Variants in GVQW3 observed in about 807,000 individuals in gnomAD.
GVQW3 encodes GVQW motif containing 3, also known as protein GVQW3.
GVQW3 carries 7 observed loss-of-function variants against 12.5 expected under a neutral mutation model. The observed-to-expected ratio is 0.56, with a 90% CI of 0.32 to 1.05. The LOEUF is 1.05. GVQW3 is among the 50% of genes least tolerant of loss of function. The pLI, the probability that GVQW3 is intolerant of heterozygous loss-of-function variation, is 0.04. For synonymous variants in GVQW3, 71 were observed against 67.2 expected (o/e 1.06, Z -0.28); for missense variants, 188 against 190.8 (o/e 0.99, Z 0.09).
chr11:76,395,869 G>A (rs1946933630), intron 1 of GVQW3, among the ~76,000 whole-genome samples: 1 of 152,064 alleles, frequency 6.6e-6, no homozygotes, highest in African/African-American at 2.4e-5. Flanking sequence ...TTTAAGCTTT[G>A]TTAGATGAGA....
intron 1 of GVQW3, among the ~76,000 whole-genome samples, chr11:76,393,639 C>T (rs1946913510): frequency 6.6e-6 from 1 of 152,090 alleles, no homozygotes; most frequent in African/African-American, 2.4e-5. Flanking sequence ...TGCTGTTCTC[C>T]CCCACCACCC....
chr11:76,397,138 G>A (rs1946946904), intron 1 of GVQW3, among the ~76,000 whole-genome samples: 1 of 151,664 alleles, frequency 6.6e-6, no homozygotes, highest in South Asian at 2.1e-4. Context: ...CGAGTAGCTG[G>A]GACTACAGGT....
chr11:76,388,818 A>C (rs1946862705), intron 1 of GVQW3, among the ~76,000 whole-genome samples: 1 of 152,092 alleles, frequency 6.6e-6, no homozygotes, highest in South Asian at 2.1e-4. Flanking sequence ...CAGCTGCATT[A>C]ATAATTAGAG....
At chr11:76,383,046 C>G (rs1946794409) in intron 1 of GVQW3, 1 of 152,438 alleles carries the variant, frequency 6.6e-6, no homozygotes, top group Admixed American at 6.5e-5. Context: ...GCCTACACCT[C>G]ACAGAAGAGC....
chr11:76,392,189 C>A (rs11236739), intron 1 of GVQW3: 27,012 of 152,206 alleles, frequency 0.18, 3,803 homozygotes, highest in African/African-American at 0.39. Context: ...TTGGAACAAA[C>A]AGTTGTAATC....
chr11:76,387,875 A>T (rs1352946114), intron 1 of GVQW3, among the ~76,000 whole-genome samples: 1 of 152,174 alleles, frequency 6.6e-6, no homozygotes, highest in African/African-American at 2.4e-5. Context: ...GTGAGCCATG[A>T]TCGTGCTACT....
At chr11:76,386,105 GC>G (rs1946830988) in intron 1 of GVQW3, among the ~76,000 whole-genome samples, 1 of 152,010 alleles carries the variant, frequency 6.6e-6, no homozygotes, top group Non-Finnish European at 1.5e-5. Flanking sequence ...CTTTGTCCCC[GC>G]CCCCACGCTC....
chr11:76,382,260 A>G lies in GVQW3; in HGVS notation c.432A>G (p.Glu144=). The G allele has an allele frequency of 6.5e-7, 1 of 1,534,558 alleles. No individual in the cohort carries two copies. The highest frequency in any genetic ancestry group is 8.7e-7 in the Non-Finnish European group (1 of 1,145,680). ...ACTTTCGGTCCGATCTTTCAAAGGAAACTAGGAAAAATAGCTCATGTTTGA... is the reference window on the plus strand; with the variant it reads ...ACTTTCGGTCCGATCTTTCAAAGGAGACTAGGAAAAATAGCTCATGTTTGA... ...KLDFRSDLSK[E]TRKNSSCLRK... Residue 144 remains glutamate (E), a synonymous_variant, in exon 1 of 2, where the codon GAA becomes GAG. Coordinates refer to ENST00000529331, the MANE Select transcript of GVQW3 (RefSeq NM_001347885.2).
chr11:76,387,691 C>T (rs1454971989), intron 1 of GVQW3, among the ~76,000 whole-genome samples: 5 of 152,092 alleles, frequency 3.3e-5, no homozygotes, highest in Admixed American at 6.6e-5. Context: ...GAGGCTGAGG[C>T]GGGCAGATTG....
At chr11:76,398,842 C>A (rs1946962598) in intron 1 of GVQW3, among the ~76,000 whole-genome samples, 1 of 152,178 alleles carries the variant, frequency 6.6e-6, no homozygotes, top group South Asian at 2.1e-4. Context: ...AACTAACTGT[C>A]TTTGTTCATC....
At chr11:76,384,681 A>G (rs1318325819) in intron 1 of GVQW3, among the ~76,000 whole-genome samples, 1 of 152,210 alleles carries the variant, frequency 6.6e-6, no homozygotes, top group Non-Finnish European at 1.5e-5. Flanking sequence ...AAGAGAAGAT[A>G]CTGTGTAAGA....
chr11:76,388,517 A>T (rs988327057), intron 1 of GVQW3, among the ~76,000 whole-genome samples: 1 of 152,048 alleles, frequency 6.6e-6, no homozygotes, highest in Non-Finnish European at 1.5e-5. Context: ...GGAGTAACTA[A>T]ACCCTACAGC....
In GVQW3 at chr11:76,384,618, G is replaced by A. The variant is rs774919459; in HGVS notation, c.465+2325G>A. Among the ~76,000 whole-genome samples, 27 of 152,078 alleles carry A rather than the reference G, an allele frequency of 1.8e-4. 1 individual carries two copies. Among genetic ancestry groups the A allele is most frequent in the South Asian group, 2.1e-4 (1 of 4,832 alleles). On this transcript the variant is annotated intron_variant, in intron 1 of 1. Coordinates refer to ENST00000529331, the MANE Select transcript of GVQW3 (RefSeq NM_001347885.2). ...GATTACAGGCGTGAGCCACCACGCC[G>A]GGTCAACACCTGTTAGTTTTGAGAC... is the stretch of plus-strand genomic sequence containing the variant.
chr11:76,384,396 C>T (rs1245086869), intron 1 of GVQW3, among the ~76,000 whole-genome samples: 1 of 152,224 alleles, frequency 6.6e-6, no homozygotes, highest in Non-Finnish European at 1.5e-5. Context: ...GATCTCAGCT[C>T]ACTACAACCT....
At chr11:76,403,454 T>C (rs1330931616) in intron 1 of GVQW3, among the ~76,000 whole-genome samples, 2 of 152,128 alleles carry the variant, frequency 1.3e-5, no homozygotes, top group African/African-American at 4.8e-5. Flanking sequence ...ACCTGAGAAC[T>C]AGAGTTTAGT....
chr11:76,384,780 A>G (rs1946815903), intron 1 of GVQW3, among the ~76,000 whole-genome samples: 1 of 152,210 alleles, frequency 6.6e-6, no homozygotes, highest in African/African-American at 2.4e-5. Context: ...GTCTTCCTAC[A>G]TCAGATGCGG....
chr11:76,393,504 T>C (rs1946911990), intron 1 of GVQW3, among the ~76,000 whole-genome samples: 1 of 152,186 alleles, frequency 6.6e-6, no homozygotes, highest in Non-Finnish European at 1.5e-5. Flanking sequence ...TGCTGAAAAC[T>C]GGAGACTTTT....
chr11:76,382,296 A>T lies in GVQW3; in HGVS notation c.465+3A>T. On this transcript the variant is annotated splice_donor_region_variant and intron_variant, in intron 1 of 1. Transcript: ENST00000529331. ...ATAGCTCATGTTTGAGGAAAAAGGT[A>T]ACAGGTTCTGAAACATGGAGTTATC... 6.7e-7 allele frequency: 1 copy of T among 1,495,304 alleles called. No homozygotes were observed. Among genetic ancestry groups the T allele is most frequent in the Non-Finnish European group, 9.0e-7 (1 of 1,110,044 alleles). 92.6% of individuals were successfully genotyped at this position (1,495,304 alleles called of 1,614,324 possible).
intron 1 of GVQW3, among the ~76,000 whole-genome samples, chr11:76,400,545 C>T (rs1321971809): frequency 6.6e-6 from 1 of 151,984 alleles, no homozygotes; most frequent in East Asian, 1.9e-4. Context: ...CTCAGCTTTC[C>T]GAGTAGCTGG....
Sources: gnomAD v4.1 joint callset for allele counts (sites outside exome capture counted in the v4.1 genomes callset) on GRCh38, gnomAD v4.1.1 for gene constraint, MANE v1.5 for transcripts, NCBI Gene and HGNC (gene_info 2026-07-23, HGNC 2026-07-21) for gene names.